Variants in TENM2 observed in about 807,000 individuals in gnomAD.
TENM2 encodes the protein teneurin transmembrane protein 2.
In TENM2, 52 loss-of-function variants were observed where a neutral mutation model predicts 245.2. The observed-to-expected ratio is 0.21, with a 90% CI of 0.17 to 0.27. TENM2 has a LOEUF of 0.27. Among genes scored for constraint, TENM2 ranks in the 10% least tolerant of loss-of-function variants. The probability of loss-of-function intolerance (pLI) is 1.00; values close to 1 mark genes in which losing one functional copy is unlikely to be tolerated. For missense variants in TENM2, 3,046 were observed against 3,666.8 expected, an observed-to-expected ratio of 0.83 and a Z score of 4.37; for synonymous variants, 1,363 against 1,438.9, an observed-to-expected ratio of 0.95 and a Z score of 1.19.
chr5:168,204,501 A>G, exon 19 of TENM2: 2 of 1,614,020 alleles, frequency 1.2e-6, no homozygotes, highest in Non-Finnish European at 1.7e-6. Flanking sequence ...GCTGAAGGCA[A>G]CAAGCTGCTG....
chr5:167,068,079 C>T, the TENM2 span, among the ~76,000 whole-genome samples: 3 of 152,198 alleles, frequency 2.0e-5, no homozygotes, highest in African/African-American at 7.2e-5. Context: ...ACAACCATAA[C>T]TTTAGTAGAG....
intron 2 of TENM2, among the ~76,000 whole-genome samples, chr5:167,511,672 G>T (rs1258385248): frequency 6.6e-6 from 1 of 152,190 alleles, no homozygotes; most frequent in African/African-American, 2.4e-5. Context: ...GGTCATGACT[G>T]CCTGATATGC....
At chr5:167,655,952 C>T (rs1205653219) in intron 2 of TENM2, among the ~76,000 whole-genome samples, 4 of 152,168 alleles carry the variant, frequency 2.6e-5, no homozygotes, top group Admixed American at 2.0e-4. Context: ...ATCCTTCTGT[C>T]CTCTCTTGAC....
At chr5:167,983,410 A>G (rs1407771921) in intron 4 of TENM2, among the ~76,000 whole-genome samples, 1 of 152,202 alleles carries the variant, frequency 6.6e-6, no homozygotes, top group Non-Finnish European at 1.5e-5. Flanking sequence ...ACGGAAGGCA[A>G]TAAATTGAGT....
chr5:167,235,286 G>A, the TENM2 span, among the ~76,000 whole-genome samples: 2 of 152,054 alleles, frequency 1.3e-5, no homozygotes, highest in Admixed American at 6.6e-5. Context: ...TTAAACACCT[G>A]TCTCCAAATA....
At chr5:167,356,296 G>C (rs1325747542) in intron 1 of TENM2, among the ~76,000 whole-genome samples, 6 of 149,468 alleles carry the variant, frequency 4.0e-5, no homozygotes, top group African/African-American at 1.5e-4. Flanking sequence ...GATATGCTTT[G>C]TGACTTCTGG....
rs1402578045 is a variant in TENM2 at position 168,218,647 on chromosome 5, G to T, written c.4756G>T (p.Ala1586Ser). ...TAATGCCTTCAACCAGTATGAGGCTGCATCCCCCGGAGAGCAGGAGTTATA... is the reference window on the plus strand; with the variant it reads ...TAATGCCTTCAACCAGTATGAGGCTTCATCCCCCGGAGAGCAGGAGTTATA... Residue 1586 changes from alanine (A) to serine (S), a missense_variant, in exon 23 of 29, where the codon GCA becomes TCA. Physicochemically the swap from Ala to Ser is moderately conservative, Grantham distance 99 (BLOSUM62 1). This residue lies in a region of TENM2 where 2,704 missense variants were observed against 3,331.9 expected (regional missense o/e 0.81). Transcript: ENST00000518659. The surrounding 1 kb of genome is among the most constrained non-coding windows in gnomAD (Gnocchi z 5.2). 2.5e-6 allele frequency: 4 copies of T among 1,614,022 alleles called. No individual in the cohort carries two copies. In the East Asian group the frequency reaches 8.9e-5, roughly 36 times the overall value.
chr5:167,112,300 C>A, the TENM2 span, among the ~76,000 whole-genome samples: 39 of 152,314 alleles, frequency 2.6e-4, no homozygotes, highest in African/African-American at 8.4e-4. Flanking sequence ...GGATTCTTCC[C>A]ATTGAGATTA....
chr5:167,959,812 G>T (rs189309197), intron 4 of TENM2, among the ~76,000 whole-genome samples: 2 of 152,196 alleles, frequency 1.3e-5, no homozygotes, highest in South Asian at 4.2e-4. Flanking sequence ...GCCTTTTTGC[G>T]CTATTTTTTC....
chr5:168,259,056 G>A (rs904995517), intron 27 of TENM2, among the ~76,000 whole-genome samples: 1 of 150,660 alleles, frequency 6.6e-6, no homozygotes, highest in African/African-American at 2.5e-5. Flanking sequence ...CGTGGTGGCG[G>A]GCACCTGTAA....
chr5:168,181,780 G>A (rs1372995114), intron 13 of TENM2, among the ~76,000 whole-genome samples: 4 of 145,740 alleles, frequency 2.7e-5, no homozygotes, highest in South Asian at 2.2e-4. Context: ...GAGTTCAAGC[G>A]ATTCTTCTGC....
At chr5:167,562,957 CAA>C (rs58779751) in intron 2 of TENM2, among the ~76,000 whole-genome samples, 19 of 77,588 alleles carry the variant, frequency 2.4e-4, no homozygotes, top group Admixed American at 4.2e-4. Flanking sequence ...AATTCTGTCT[CAA>C]AAAAAAAAAA....
chr5:167,879,096 T>C (rs974681725), intron 3 of TENM2, among the ~76,000 whole-genome samples: 3 of 152,198 alleles, frequency 2.0e-5, no homozygotes, highest in Admixed American at 1.3e-4. Context: ...ACCTGTTCTA[T>C]AGAAACAAAT....
At chr5:167,610,398 G>T (rs1209298670) in intron 2 of TENM2, among the ~76,000 whole-genome samples, 1 of 152,094 alleles carries the variant, frequency 6.6e-6, no homozygotes, top group East Asian at 1.9e-4. Flanking sequence ...CTCTCCAGGG[G>T]TTGGGGGTGA....
intron 2 of TENM2, among the ~76,000 whole-genome samples, chr5:167,644,854 A>G (rs972542848): frequency 6.6e-6 from 1 of 152,194 alleles, no homozygotes; most frequent in African/African-American, 2.4e-5. Context: ...AACATCAAGA[A>G]TATGTTCTGA....
chr5:167,795,323 T>C (rs1765243948), intron 2 of TENM2, among the ~76,000 whole-genome samples: 1 of 152,202 alleles, frequency 6.6e-6, no homozygotes, highest in South Asian at 2.1e-4. Flanking sequence ...ATGAGGAAGC[T>C]CTTTTGCAGG....
intron 5 of TENM2, 74 bp downstream of exon 7, chr5:167,993,256 T>A: frequency 1.7e-6 from 2 of 1,211,966 alleles, no homozygotes; most frequent in Non-Finnish European, 2.4e-6. Flanking sequence ...CTTGTGAATC[T>A]AGAGGCCCTC....
At chr5:167,269,969 A>G in the TENM2 span, among the ~76,000 whole-genome samples, 2 of 152,150 alleles carry the variant, frequency 1.3e-5, no homozygotes, top group East Asian at 3.9e-4. Flanking sequence ...ATAGTTATAA[A>G]CAACTCATCT....
the TENM2 span, among the ~76,000 whole-genome samples, chr5:167,079,463 G>A: frequency 1.3e-5 from 2 of 150,814 alleles, no homozygotes; most frequent in African/African-American, 2.4e-5. Context: ...GTGGGCATGC[G>A]CCACCATGCC....
Sources: allele counts gnomAD v4.1 joint callset (sites outside exome capture counted in the v4.1 genomes callset), GRCh38; gene constraint gnomAD v4.1.1; regional missense constraint gnomAD v4.1.1; non-coding constraint Gnocchi (gnomAD v3.1); transcripts MANE v1.5; gene names NCBI Gene and HGNC (gene_info 2026-07-23, HGNC 2026-07-21).